KMT5A: variants seen among roughly 807,000 people sequenced by gnomAD.
KMT5A encodes the protein lysine methyltransferase 5A.
A neutral mutation model predicts 40.6 loss-of-function variants in KMT5A; 6 were observed. The observed-to-expected ratio is 0.15, with a 90% CI of 0.08 to 0.29. KMT5A has a LOEUF of 0.29. KMT5A is among the 10% of genes least tolerant of loss of function. The pLI is 1.00. For missense variants in KMT5A, 308 were observed against 459.1 expected (o/e 0.67, Z 3.01); for synonymous variants, 153 against 178.8 (o/e 0.86, Z 1.15).
Position 123,384,263 on chromosome 12 carries a change from G to C in KMT5A, c.10+55G>C. The C allele has an allele frequency of 6.2e-7, 1 of 1,604,422 alleles. No homozygotes were observed. Among genetic ancestry groups the C allele is most frequent in the Non-Finnish European group, 8.5e-7 (1 of 1,176,778 alleles). On this transcript the variant is annotated intron_variant, in intron 1 of 7. Transcript: ENST00000402868. The surrounding 1 kb of genome is among the most constrained non-coding windows in gnomAD (Gnocchi z 5.7). ...GGCTGGGTCGGGGGTCGTGCTGGAG[G>C]GGTTGCCGGGGTGGAGGCAGCGGCT...
At chr12:123,390,557 A>ATTC (rs879288927) in intron 2 of KMT5A, 73 bp from the exon 3 acceptor site, 6 of 1,543,440 alleles carry the variant, frequency 3.9e-6, no homozygotes, top group Non-Finnish European at 5.3e-6. Context: ...CATCTTTTGT[A>ATTC]TTCCTCCTCC....
At chr12:123,401,122 T>G (rs559934637) in intron 5 of KMT5A, among the ~76,000 whole-genome samples, 1 of 150,646 alleles carries the variant, frequency 6.6e-6, no homozygotes, top group South Asian at 2.1e-4. Flanking sequence ...TTTTTAAATC[T>G]ATTCCACCAA....
chr12:123,390,878 A>G, intron 3 of KMT5A, 92 bp downstream of exon 3: 8 of 1,423,596 alleles, frequency 5.6e-6, no homozygotes, highest in African/African-American at 1.4e-5. Flanking sequence ...TATTTATCCA[A>G]CCTTTTCAGT....
chr12:123,397,662 A>AATTTT, intron 5 of KMT5A, among the ~76,000 whole-genome samples: 1 of 92,992 alleles, frequency 1.1e-5, no homozygotes, highest in Non-Finnish European at 2.1e-5. Context: ...GTGCTAGGTC[A>AATTTT]CTTTTTTTTT....
chr12:123,390,292 A>T, intron 2 of KMT5A: 1 of 385,680 alleles, frequency 2.6e-6, no homozygotes, highest in Non-Finnish European at 5.0e-6. Context: ...GAACTCCTAA[A>T]GATAGCCTAG....
Position 123,395,105 on chromosome 12 carries a change from C to G in KMT5A, c.348C>G (p.Ile116Met), listed in dbSNP as rs780616496. 2.5e-6 allele frequency: 4 copies of G among 1,599,668 alleles called. No individual in the cohort carries two copies. Among genetic ancestry groups the G allele is most frequent in the Non-Finnish European group, 3.4e-6 (4 of 1,172,902 alleles). Residue 116 changes from isoleucine to methionine, a missense_variant, in exon 4 of 8, where the codon ATC (isoleucine) becomes ATG (methionine). Physicochemically the swap from Ile to Met is conservative, Grantham distance 10. Coordinates refer to ENST00000402868, the MANE Select transcript of KMT5A (RefSeq NM_020382.7). ...CCATGAAGTCCGAGGAACAGAAGATCAAAGACGCCAGGAAAGGTCCCCTGG... is the reference window on the plus strand; with the variant it reads ...CCATGAAGTCCGAGGAACAGAAGATGAAAGACGCCAGGAAAGGTCCCCTGG... ...RSAMKSEEQK[I>M]KDARKGPLVP...
chr12:123,392,260 C>T (rs1289730600), intron 3 of KMT5A, among the ~76,000 whole-genome samples: 1 of 152,162 alleles, frequency 6.6e-6, no homozygotes, highest in East Asian at 1.9e-4. Flanking sequence ...TGCCCGGACT[C>T]TAGTCCTTTA....
At chr12:123,389,259 C>T (rs1466142546) in intron 1 of KMT5A, 174 bp from the exon 2 acceptor site, 2 of 193,854 alleles carry the variant, frequency 1.0e-5, no homozygotes, top group Non-Finnish European at 1.8e-5. Flanking sequence ...GGGAGGGCGA[C>T]GCGGGCTCCG....
chr12:123,407,432 C>G, intron 7 of KMT5A, 61 bp from the exon 8 acceptor site: 1 of 1,500,380 alleles, frequency 6.7e-7, no homozygotes, highest in Non-Finnish European at 9.2e-7. Flanking sequence ...AAGTGTGACT[C>G]TCTTCAGGTT....
intron 7 of KMT5A, among the ~76,000 whole-genome samples, chr12:123,405,891 C>T (rs1017011315): frequency 6.6e-6 from 1 of 151,450 alleles, no homozygotes; most frequent in African/African-American, 2.4e-5. Flanking sequence ...GCAATCTTGG[C>T]TTACTGCAAC....
At chr12:123,400,837 C>T (rs2139193157) in intron 5 of KMT5A, among the ~76,000 whole-genome samples, 1 of 151,686 alleles carries the variant, frequency 6.6e-6, no homozygotes, top group African/African-American at 2.4e-5. Flanking sequence ...TGTTTTGAGA[C>T]AAGGTCTCAC....
At chr12:123,407,280 A>G (rs1878624324) in intron 7 of KMT5A, among the ~76,000 whole-genome samples, 2 of 152,116 alleles carry the variant, frequency 1.3e-5, no homozygotes, top group South Asian at 2.1e-4. Flanking sequence ...TGGAGGCTGC[A>G]GTGAGCCGTG....
chr12:123,407,417 A>C, intron 7 of KMT5A, 76 bp from the exon 8 acceptor site: 3 of 1,361,966 alleles, frequency 2.2e-6, no homozygotes, highest in Non-Finnish European at 3.1e-6. Flanking sequence ...ACCAGAGCTG[A>C]GCACAAGTGT....
rs1486666426 is a variant in KMT5A, at chr12:123,388,650, C to G, written c.11-783C>G. 16 of 151,362 alleles carry G rather than the reference C, an allele frequency of 1.1e-4. 1 individual carries two copies. Among genetic ancestry groups the G allele is most frequent in the Admixed American group, 1.1e-3 (16 of 15,204 alleles). 9.4% of individuals were successfully genotyped at this position (151,362 alleles called of 1,614,324 possible). On this transcript the variant is annotated intron_variant, in intron 1 of 7. Transcript: ENST00000402868. ...TCGGTGGGCACAGCGCCGGGCACAC[C>G]CGAGGGCCTGGCCTGGCGCGTTCAC...
intron 2 of KMT5A, 51 bp from the exon 3 acceptor site, chr12:123,390,579 C>T: frequency 6.3e-7 from 1 of 1,599,502 alleles, no homozygotes. Context: ...CGTGAATGCT[C>T]TAGGATCTTC....
intron 7 of KMT5A, 82 bp from the exon 8 acceptor site, chr12:123,407,411 G>A: frequency 7.7e-7 from 1 of 1,306,476 alleles, no homozygotes; most frequent in Non-Finnish European, 1.1e-6. Context: ...CATCCCACCA[G>A]AGCTGAGCAC....
At chr12:123,406,760 C>T (rs1342373966) in intron 7 of KMT5A, among the ~76,000 whole-genome samples, 1 of 152,054 alleles carries the variant, frequency 6.6e-6, no homozygotes, top group Admixed American at 6.6e-5. Flanking sequence ...GGCGTGGTAG[C>T]TCATGCCTGT....
chr12:123,390,238 GGCGT>G, intron 2 of KMT5A: 2 of 437,960 alleles, frequency 4.6e-6, no homozygotes, highest in Non-Finnish European at 9.1e-6. Context: ...GGTTCCCCGG[GGCGT>G]GTTTCTGTGC....
At chr12:123,389,935 G>C (rs1877163193) in intron 2 of KMT5A, 2 of 405,574 alleles carry the variant, frequency 4.9e-6, no homozygotes. Flanking sequence ...TACTTACTCA[G>C]AGGAGGGGCC....
Sources: allele counts gnomAD v4.1 joint callset (sites outside exome capture counted in the v4.1 genomes callset), GRCh38; gene constraint gnomAD v4.1.1; non-coding constraint Gnocchi (gnomAD v3.1); transcripts MANE v1.5; gene names NCBI Gene and HGNC (gene_info 2026-07-23, HGNC 2026-07-21).